NAV1: variants seen among roughly 807,000 people sequenced by gnomAD.
NAV1 encodes neuron navigator 1, also known as pore membrane and/or filament interacting like protein 3.
A neutral mutation model predicts 175.2 loss-of-function variants in NAV1; 18 were observed. The ratio of observed to expected loss-of-function variants is 0.10; its 90% CI spans 0.07 to 0.15. The LOEUF is 0.15. Ranked by LOEUF, NAV1 falls within the 10% of genes least tolerant of loss-of-function variation. The pLI is 1.00. For synonymous variants in NAV1, 897 were observed against 978.7 expected, an observed-to-expected ratio of 0.92 and a Z score of 1.56; for missense variants, 1,731 against 2,436.6, an observed-to-expected ratio of 0.71 and a Z score of 6.10.
chr1:201,767,284 C>G (rs1306363006), intron 3 of NAV1, among the ~76,000 whole-genome samples: 1 of 150,216 alleles, frequency 6.7e-6, no homozygotes, highest in Non-Finnish European at 1.5e-5. Context: ...AACCCTGTCT[C>G]TACTAAAAAT....
chr1:201,712,691 G>A (rs1671959005), intron 1 of NAV1, 126 bp from the exon 6 acceptor site: 2 of 694,134 alleles, frequency 2.9e-6, no homozygotes, highest in Middle Eastern at 2.6e-4. Flanking sequence ...AAAGGGAGGA[G>A]GAAGGTGACT....
exon 1 of NAV1, chr1:201,648,692 C>T: frequency 1.4e-6 from 2 of 1,422,454 alleles, no homozygotes; most frequent in Non-Finnish European, 1.8e-6. Flanking sequence ...GCGTCAAGAG[C>T]GTGCAGCCCG....
In NAV1 at chr1:201,813,021, A is replaced by G; in HGVS notation, c.5222-119A>G. 1.4e-6 allele frequency: 1 copy of G among 732,832 alleles called. No individual in the cohort carries two copies. Among genetic ancestry groups the G allele is most frequent in the Non-Finnish European group, 2.3e-6 (1 of 434,574 alleles). The allele number at this position is 732,832 out of a possible 1,614,324, so 45.4% of individuals were successfully genotyped here. On this transcript the variant is annotated intron_variant, in intron 27 of 29. Transcript: ENST00000367296. The surrounding 1 kb of genome is among the most constrained non-coding windows in gnomAD (Gnocchi z 4.2). ...GCACCCACTAGTCTTGACAACTCTA[A>G]ATTTCCTTTAATCCTTTGACTGTCA...
intron 1 of NAV1, among the ~76,000 whole-genome samples, chr1:201,550,054 G>A (rs1665808466): frequency 6.7e-6 from 1 of 149,964 alleles, no homozygotes; most frequent in South Asian, 2.1e-4. Flanking sequence ...TGCCCGCCGG[G>A]CATGCTCACC....
chr1:201,649,509 C>A (rs754501271), intron 1 of NAV1, 84 bp downstream of exon 5: 3 of 1,436,610 alleles, frequency 2.1e-6, no homozygotes, highest in Non-Finnish European at 2.7e-6. Flanking sequence ...GCGAAGCCCC[C>A]TCCCCTTGCG....
In NAV1 at chr1:201,807,867, C is replaced by T; in HGVS notation, c.3649-86C>T. 1 of 1,330,316 alleles carries T rather than the reference C, an allele frequency of 7.5e-7. No individual in the cohort carries two copies. The highest frequency in any genetic ancestry group is 1.1e-6 in the Non-Finnish European group (1 of 939,658). 82.4% of individuals were successfully genotyped at this position (1,330,316 alleles called of 1,614,324 possible). On this transcript the variant is annotated intron_variant, in intron 17 of 29. Transcript: ENST00000367296. This position sits in a 1 kb window ranked among gnomAD's most constrained non-coding sequence, Gnocchi z 5.4. ...AAGTAAATCCCCCGCCTCCAGCTCT[C>T]TCTGTCTCAGAAGTCTCAATCCAGT...
Position 201,732,275 on chromosome 1 carries a change from T to A in NAV1, c.1226+13520T>A, listed in dbSNP as rs148631767. 3.1e-3 allele frequency among the ~76,000 whole-genome samples: 472 copies of A among 152,298 alleles called. 6 individuals are homozygous for A. The highest frequency in any genetic ancestry group is 8.9e-3 in the African/African-American group (369 of 41,564). ...CAGGCAAGTGCCACGATGCTATTTT[T>A]AATCCATGCTAAGTTTAAAATGTAA... is the stretch of plus-strand genomic sequence containing the variant. On this transcript the variant is annotated intron_variant, in intron 3 of 29. Coordinates refer to ENST00000367296, the Ensembl canonical transcript of NAV1.
At chr1:201,793,760 A>G (rs766101680) in intron 13 of NAV1, 32 bp from the exon 18 acceptor site, 15 of 1,602,320 alleles carry the variant, frequency 9.4e-6, no homozygotes, top group Middle Eastern at 3.3e-4. Context: ...AGCCTTATGC[A>G]ACTTAGCAAT....
exon 7 of NAV1, chr1:201,783,588 C>T (rs1359511612): frequency 3.1e-6 from 5 of 1,614,034 alleles, no homozygotes; most frequent in Non-Finnish European, 3.4e-6. Context: ...AGTCCGGCAC[C>T]CATCCTCAAT....
intron 1 of NAV1, among the ~76,000 whole-genome samples, 142 bp from the exon 2 acceptor site, chr1:201,588,397 G>A (rs1305598416): frequency 2.0e-5 from 3 of 152,200 alleles, no homozygotes; most frequent in Non-Finnish European, 4.4e-5. Context: ...GCCCAGGCTG[G>A]AGTGCAGTGA....
chr1:201,818,429 G>A (rs1054238681), intron 29 of NAV1, among the ~76,000 whole-genome samples: 1 of 151,882 alleles, frequency 6.6e-6, no homozygotes, highest in Non-Finnish European at 1.5e-5. Flanking sequence ...TTGGGAGGCT[G>A]AGGAAGGAGA....
At chr1:201,620,453 C>CTTTTTTTTTTTT (rs71861939), upstream of NAV1, among the ~76,000 whole-genome samples, 2 of 94,530 alleles carry the variant, frequency 2.1e-5, no homozygotes, top group African/African-American at 5.1e-5. Flanking sequence ...GACATATACT[C>CTTTTTTTTTTTT]TTTTTTTTTT....
Position 201,812,366 on chromosome 1 carries a change from G to T in NAV1, c.5025-99G>T. 8.3e-7 allele frequency: 1 copy of T among 1,210,154 alleles called. No individual in the cohort carries two copies. The highest frequency in any genetic ancestry group is 1.2e-6 in the Non-Finnish European group (1 of 842,162). 75.0% of individuals were successfully genotyped at this position (1,210,154 alleles called of 1,614,324 possible). On this transcript the variant is annotated intron_variant, in intron 26 of 29. Transcript: ENST00000367296. This position sits in a 1 kb window ranked among gnomAD's most constrained non-coding sequence, Gnocchi z 4.6. ...TTGAAAAGAAACCAAGTAGGCATTA[G>T]TGAGAAGCAGGCAGAAGGAGGGACA...
At chr1:201,688,083 C>T (rs987229960) in intron 1 of NAV1, among the ~76,000 whole-genome samples, 55 of 152,240 alleles carry the variant, frequency 3.6e-4, no homozygotes, top group African/African-American at 1.3e-3. Flanking sequence ...AATTCTTTGG[C>T]TGTGCACTCA....
intron 5 of NAV1, among the ~76,000 whole-genome samples, chr1:201,781,876 A>G (rs1016742973): frequency 6.6e-6 from 1 of 151,732 alleles, no homozygotes; most frequent in Non-Finnish European, 1.5e-5. Context: ...TTCCACAACT[A>G]GTTGTTAGAT....
At chr1:201,576,068 C>T (rs1168635915) in intron 1 of NAV1, among the ~76,000 whole-genome samples, 1 of 152,174 alleles carries the variant, frequency 6.6e-6, no homozygotes, top group African/African-American at 2.4e-5. Flanking sequence ...ATATCACTAC[C>T]AGGATATTGG....
intron 2 of NAV1, among the ~76,000 whole-genome samples, chr1:201,594,499 G>A (rs779741555): frequency 1.3e-5 from 2 of 152,228 alleles, no homozygotes; most frequent in Non-Finnish European, 2.9e-5. Context: ...GCGAAGCCGG[G>A]TTAGTCTTTG....
chr1:201,734,452 GGA>G (rs1673004068), intron 3 of NAV1, among the ~76,000 whole-genome samples: 1 of 72,738 alleles, frequency 1.4e-5, no homozygotes, highest in Admixed American at 1.5e-4. Flanking sequence ...AAGAAGAAGA[GGA>G]GGAGGAGGAG....
intron 2 of NAV1, among the ~76,000 whole-genome samples, chr1:201,591,744 C>G (rs1667203120): frequency 6.6e-6 from 1 of 152,124 alleles, no homozygotes; most frequent in Non-Finnish European, 1.5e-5. Context: ...TCTTCTCCCT[C>G]TCAGCGGCAT....
Sources: allele counts gnomAD v4.1 joint callset (sites outside exome capture counted in the v4.1 genomes callset), GRCh38; gene constraint gnomAD v4.1.1; non-coding constraint Gnocchi (gnomAD v3.1); transcripts MANE v1.5; gene names NCBI Gene and HGNC (gene_info 2026-07-23, HGNC 2026-07-21).